Variants in ANLN observed in about 807,000 individuals in gnomAD.
ANLN encodes anillin, actin binding protein.
Under a neutral mutation model 135.1 loss-of-function variants are expected in ANLN, and 59 were observed. That is an observed-to-expected ratio of 0.44 (90% CI 0.35 to 0.54). ANLN has a LOEUF of 0.54. Ranked by LOEUF, ANLN falls within the 20% of genes least tolerant of loss-of-function variation. The pLI is 0.00. For synonymous variants in ANLN, 406 were observed against 456.4 expected (o/e 0.89, Z 1.41); for missense variants, 1,182 against 1,340.0 (o/e 0.88, Z 1.84).
intron 20 of ANLN, chr7:36,428,320 T>G (rs774435091): frequency 7.8e-7 from 1 of 1,281,712 alleles, no homozygotes; most frequent in South Asian, 1.3e-5. Flanking sequence ...AATTATGATG[T>G]AAGAGAGCGA....
intron 21 of ANLN, 109 bp downstream of exon 21, chr7:36,439,399 T>C (rs1452971399): frequency 1.5e-6 from 1 of 675,010 alleles, no homozygotes; most frequent in African/African-American, 1.8e-5. Context: ...GTTGGTTCAG[T>C]AAAGATTTGT....
intron 22 of ANLN, 47 bp downstream of exon 22, chr7:36,443,909 C>T (rs781418946): frequency 2.3e-5 from 31 of 1,337,358 alleles, no homozygotes; most frequent in Non-Finnish European, 2.6e-5. Context: ...GATTGACTTT[C>T]GTGTAGTGTT....
At chr7:36,422,480 T>C (rs1375392283) in intron 13 of ANLN, among the ~76,000 whole-genome samples, 153 bp from the exon 14 acceptor site, 4 of 152,150 alleles carry the variant, frequency 2.6e-5, no homozygotes, top group Non-Finnish European at 4.4e-5. Context: ...ACCAAGGTTT[T>C]CCCCAACCAC....
At chr7:36,427,362 GTTTT>G (rs1178488862) in intron 20 of ANLN, among the ~76,000 whole-genome samples, 4 of 149,420 alleles carry the variant, frequency 2.7e-5, no homozygotes, top group Non-Finnish European at 6.0e-5. Flanking sequence ...TTTCTTTGTG[GTTTT>G]TTTTGTTTTT....
intron 9 of ANLN, among the ~76,000 whole-genome samples, chr7:36,418,920 A>C (rs533957362): frequency 1.3e-5 from 2 of 151,276 alleles, no homozygotes; most frequent in South Asian, 2.1e-4. Context: ...CGCCTGGCTA[A>C]TTTTTTTTGT....
intron 12 of ANLN, 29 bp downstream of exon 12, chr7:36,420,773 G>A: frequency 6.2e-7 from 1 of 1,611,686 alleles, no homozygotes; most frequent in Non-Finnish European, 8.5e-7. Context: ...AGGGGCTTTG[G>A]AATGTTTCTT....
At chr7:36,449,484 T>C in intron 22 of ANLN, 181 bp from the exon 23 acceptor site, 1 of 485,604 alleles carries the variant, frequency 2.1e-6, no homozygotes. Flanking sequence ...GTTTTATTTT[T>C]ATGTCTAGCT....
At chr7:36,427,145 T>C in intron 20 of ANLN, 117 bp downstream of exon 20, 1 of 649,224 alleles carries the variant, frequency 1.5e-6, no homozygotes, top group Non-Finnish European at 2.6e-6. Flanking sequence ...AAAACATATG[T>C]TCTTAGAATT....
At chr7:36,426,338 A>C (rs928067632) in intron 19 of ANLN, among the ~76,000 whole-genome samples, 1 of 152,172 alleles carries the variant, frequency 6.6e-6, no homozygotes, top group African/African-American at 2.4e-5. Flanking sequence ...TGTGCTTTCC[A>C]TACTGCAGAT....
chr7:36,449,823 A>G lies in ANLN; in HGVS notation c.3237A>G (p.Thr1079=), dbSNP rs746679010. ...RETLVSQCRD[T]LCVTKNWLSA... ...CTCTTGTCAGCCAATGCAGGGACAC[A>G]CTCTGTGTTACCAAGTATGTATTGG... is the stretch of plus-strand genomic sequence containing the variant. Residue 1079 remains threonine (T), a synonymous_variant, in exon 23 of 24, where the codon ACA becomes ACG. Coordinates refer to ENST00000265748, the MANE Select transcript of ANLN (RefSeq NM_018685.5). The G allele has an allele frequency of 1.2e-6, 2 of 1,613,490 alleles. No homozygotes were observed. Among genetic ancestry groups the G allele is most frequent in the Non-Finnish European group, 1.7e-6 (2 of 1,179,742 alleles).
intron 2 of ANLN, among the ~76,000 whole-genome samples, chr7:36,398,081 T>A (rs1786783275): frequency 6.6e-6 from 1 of 152,190 alleles, no homozygotes; most frequent in African/African-American, 2.4e-5. Context: ...ACTGACCTCA[T>A]ATGAAATGTA....
chr7:36,398,017 A>C (rs2116518178), intron 2 of ANLN, among the ~76,000 whole-genome samples: 1 of 152,260 alleles, frequency 6.6e-6, no homozygotes, highest in East Asian at 1.9e-4. Flanking sequence ...ATCATGATTT[A>C]TCCCTGATAC....
intron 20 of ANLN, among the ~76,000 whole-genome samples, chr7:36,433,293 G>A (rs888885103): frequency 2.0e-4 from 31 of 152,052 alleles, no homozygotes; most frequent in African/African-American, 6.8e-4. Flanking sequence ...AAATCTCTAG[G>A]TTTTGTTTGT....
intron 20 of ANLN, among the ~76,000 whole-genome samples, chr7:36,428,921 G>A (rs1253692347): frequency 2.0e-5 from 3 of 151,660 alleles, no homozygotes; most frequent in Non-Finnish European, 4.4e-5. Flanking sequence ...TGGGACTACA[G>A]GTGCATGCAA....
chr7:36,396,464 T>G, intron 2 of ANLN, 45 bp downstream of exon 2: 1 of 1,527,944 alleles, frequency 6.5e-7, no homozygotes. Context: ...TTTTTTTTCT[T>G]TTGAAGGAGA....
chr7:36,429,985 C>G (rs1229585951), intron 20 of ANLN, among the ~76,000 whole-genome samples: 3 of 152,170 alleles, frequency 2.0e-5, no homozygotes, highest in African/African-American at 7.2e-5. Context: ...CAGTCAGATA[C>G]AGTACGATTT....
intron 9 of ANLN, 126 bp from the exon 10 acceptor site, chr7:36,419,118 A>G: frequency 1.6e-6 from 1 of 620,320 alleles, no homozygotes; most frequent in African/African-American, 1.9e-5. Context: ...TTTTCTTTTT[A>G]GGAGGTGCTT....
Position 36,415,765 on chromosome 7 carries a change from A to G in ANLN, c.1403A>G (p.His468Arg). The G allele has an allele frequency of 6.3e-7, 1 of 1,584,266 alleles. No homozygotes were observed. Among genetic ancestry groups the G allele is most frequent in the Non-Finnish European group, 8.5e-7 (1 of 1,170,786 alleles). ...TTCATTCGCTTTTTGCAGGAAACTC[A>G]CTGTCAGAGCACTCCCCTCAAAAAA... ...SKQLETKQET[H>R]CQSTPLKKHQ... The change falls in exon 8 of 24, where the codon CAC becomes CGC. Residue 468 changes from histidine to arginine, a missense_variant. Physicochemically the swap from His to Arg is conservative, Grantham distance 29. Around this residue, in one of 3 missense-constraint regions of ANLN, gnomAD observed 1,022 missense variants for 1,134.0 expected, o/e 0.90. Transcript: ENST00000265748.
At chr7:36,415,983 T>C in intron 8 of ANLN, 99 bp downstream of exon 8, 1 of 1,102,656 alleles carries the variant, frequency 9.1e-7, no homozygotes, top group Non-Finnish European at 1.3e-6. Flanking sequence ...TTGTTTGTTC[T>C]AACGTTTTTT....
Sources: gnomAD v4.1 joint callset for allele counts (sites outside exome capture counted in the v4.1 genomes callset) on GRCh38, gnomAD v4.1.1 for gene constraint, gnomAD v4.1.1 regional missense constraint, MANE v1.5 for transcripts, NCBI Gene and HGNC (gene_info 2026-07-23, HGNC 2026-07-21) for gene names.